Variants in OSBPL5 observed in about 807,000 individuals in gnomAD.
OSBPL5 encodes the protein oxysterol-binding protein-related protein 5.
Under a neutral mutation model 111.2 loss-of-function variants are expected in OSBPL5, and 71 were observed. The observed-to-expected ratio is 0.64, with a 90% CI of 0.53 to 0.78. The LOEUF (loss-of-function observed/expected upper bound fraction) is 0.78. Ranked by LOEUF, OSBPL5 falls within the 30% of genes least tolerant of loss-of-function variation. The pLI is 0.00. For missense variants in OSBPL5, 1,210 were observed against 1,189.3 expected (o/e 1.02, Z -0.26); for synonymous variants, 549 against 513.9 (o/e 1.07, Z -0.93).
chr11:3,087,502 C>T lies in OSBPL5; in HGVS notation c.*703G>A, dbSNP rs529842161. 1 of 153,664 alleles carries T rather than the reference C, an allele frequency of 6.5e-6. No individual in the cohort carries two copies. The highest frequency in any genetic ancestry group is 1.5e-5 in the Non-Finnish European group (1 of 68,336). 9.5% of individuals were successfully genotyped at this position (153,664 alleles called of 1,614,324 possible). A position where few individuals can be genotyped will look rare whatever the true frequency, so the allele number is the denominator to read the frequency against. ...GGTGCGGGGCCAGCTAAGCCACACC[C>T]CTGCGCCCCCCACACCCCTGCACAC... On this transcript the variant is annotated 3_prime_UTR_variant, in exon 22 of 22. Transcript: ENST00000263650.
intron 7 of OSBPL5, among the ~76,000 whole-genome samples, chr11:3,108,226 C>G (rs1376713252): frequency 6.6e-6 from 1 of 152,192 alleles, no homozygotes; most frequent in Non-Finnish European, 1.5e-5. Flanking sequence ...GGGGAGGCAG[C>G]CCTGCAGAGG....
intron 14 of OSBPL5, among the ~76,000 whole-genome samples, chr11:3,096,357 G>A (rs933882152): frequency 1.3e-5 from 2 of 152,166 alleles, no homozygotes; most frequent in Non-Finnish European, 2.9e-5. Context: ...GGGGGCTCAC[G>A]CCTGTAATCC....
At chr11:3,131,727 C>T (rs1845795805) in intron 1 of OSBPL5, among the ~76,000 whole-genome samples, 1 of 149,338 alleles carries the variant, frequency 6.7e-6, no homozygotes, top group Non-Finnish European at 1.5e-5. Context: ...TCCATCCATC[C>T]ATCCATCCTC....
At position 3,092,609 on chromosome 11, in the gene OSBPL5, G is replaced by C; in HGVS notation, c.2133-51C>G. 6.6e-7 allele frequency: 1 copy of C among 1,517,916 alleles called. No individual in the cohort carries two copies. The highest frequency in any genetic ancestry group is 8.9e-7 in the Non-Finnish European group (1 of 1,124,910). 94.0% of individuals were successfully genotyped at this position (1,517,916 alleles called of 1,614,324 possible). ...AGCACAGGCAGTGGCCCTCAGGTGA[G>C]GGGGCTGTCCTGGCCCAGTCTTCAG... On this transcript the variant is annotated intron_variant, in intron 18 of 21. Transcript: ENST00000263650. The surrounding 1 kb of genome is among the most constrained non-coding windows in gnomAD (Gnocchi z 5.4).
Position 3,129,052 on chromosome 11 carries a change from G to T in OSBPL5, c.97C>A (p.Leu33Ile). The stretch of plus-strand genomic sequence containing the variant: ...TAGAGCTCATTGTCTCCGCTGAGGA[G>T]CAAGTTCCGGGTGAGCTTCCGGGGG... ...VDPRKLTRNL[L>I]LSGDNELYPL... Residue 33 changes from leucine to isoleucine, a missense_variant, in exon 2 of 22, where the codon CTC becomes ATC. Leu to Ile is a conservative substitution (Grantham distance 5). Transcript: ENST00000263650. The T allele has an allele frequency of 6.3e-7, 1 of 1,588,348 alleles. No homozygotes were observed. The highest frequency in any genetic ancestry group is 8.6e-7 in the Non-Finnish European group (1 of 1,168,134).
chr11:3,106,048 ACT>A lies in OSBPL5; in HGVS notation c.1059+1213_1059+1214del, dbSNP rs1857680776. On this transcript the variant is annotated intron_variant, in intron 9 of 21. Transcript: ENST00000263650. This position sits in a 1 kb window ranked among gnomAD's most constrained non-coding sequence, Gnocchi z 8.4. Reference sequence around the variant, plus strand: ...CTAACCCGCCGGTGGCTTCCCCAATACTCTCAGCCTGAGGCCCCCAGGGCCCT... The same window carrying A: ...CTAACCCGCCGGTGGCTTCCCCAATACTCAGCCTGAGGCCCCCAGGGCCCT... Among the ~76,000 whole-genome samples the A allele has an allele frequency of 6.7e-6, 1 of 149,794 alleles. No individual in the cohort carries two copies. The highest frequency in any genetic ancestry group is 1.5e-5 in the Non-Finnish European group (1 of 67,358).
Position 3,102,166 on chromosome 11 carries a change from A to C in OSBPL5, c.1425+17T>G. The C allele has an allele frequency of 2.5e-6, 4 of 1,578,356 alleles. No individual in the cohort carries two copies. The South Asian group carries it at 4.6e-5, about 18-fold the overall frequency. On this transcript the variant is annotated intron_variant, in intron 12 of 21. Coordinates refer to ENST00000263650, the MANE Select transcript of OSBPL5 (RefSeq NM_020896.4). ...AGAGCCCAGCACCCAGGCCGGTTGC[A>C]GCAGAGGTGCTCTTGCCTGCTCTGC...
At chr11:3,101,802 A>G (rs1857467672) in intron 12 of OSBPL5, 103 bp from the exon 13 acceptor site, 2 of 922,502 alleles carry the variant, frequency 2.2e-6, no homozygotes, top group Non-Finnish European at 3.3e-6. Flanking sequence ...CCCTGACGCC[A>G]CATCTTCTCC....
chr11:3,090,012 GT>G (rs1326566740), intron 20 of OSBPL5, 64 bp from the exon 21 acceptor site: 1 of 1,323,618 alleles, frequency 7.6e-7, no homozygotes, highest in Non-Finnish European at 1.0e-6. Context: ...TGGAGGTCCA[GT>G]GGGGCTGGCA....
intron 7 of OSBPL5, among the ~76,000 whole-genome samples, chr11:3,112,170 TTTTG>T (rs1223400630): frequency 1.3e-5 from 2 of 152,018 alleles, no homozygotes; most frequent in African/African-American, 4.8e-5. Flanking sequence ...ATGTTTCTGT[TTTTG>T]TTTTTCTCCT....
chr11:3,100,353 C>G (rs1230865151), intron 13 of OSBPL5, 97 bp from the exon 14 acceptor site: 6 of 996,108 alleles, frequency 6.0e-6, no homozygotes, highest in East Asian at 2.6e-5. Flanking sequence ...CTTCCAACAG[C>G]TGAACACGCT....
In OSBPL5 at chr11:3,106,454, G is replaced by T. The variant is rs1012981215; in HGVS notation, c.1059+809C>A. Among the ~76,000 whole-genome samples the T allele has an allele frequency of 6.9e-6, 1 of 144,558 alleles. No individual in the cohort carries two copies. The highest frequency in any genetic ancestry group is 1.5e-5 in the Non-Finnish European group (1 of 66,086). 94.8% of individuals were successfully genotyped at this position (144,558 alleles called of 152,430 possible). A position where few individuals can be genotyped will look rare whatever the true frequency, so the allele number is the denominator to read the frequency against. On this transcript the variant is annotated intron_variant, in intron 9 of 21. Transcript: ENST00000263650. This position sits in a 1 kb window ranked among gnomAD's most constrained non-coding sequence, Gnocchi z 8.4. ...AGCCCGGCTTCCTCAGCCTGCACCCGTCACCCAGCGGAAGCTTAGATCCTG... is the reference window on the plus strand; with the variant it reads ...AGCCCGGCTTCCTCAGCCTGCACCCTTCACCCAGCGGAAGCTTAGATCCTG...
rs373785714 is a variant in OSBPL5, at chr11:3,104,237, C to T, written c.1200G>A (p.Leu400=). The T allele has an allele frequency of 1.7e-5, 28 of 1,613,028 alleles. No individual in the cohort carries two copies. The South Asian group carries it at 2.3e-4, about 13-fold the overall frequency. ...PTFVLEPRSF[L]NKLSDYYYHA... Reference sequence around the variant, plus strand: ...GGTAGTAGTAGTCGGAGAGCTTGTTCAGGAAGGAGCGCGGCTCCAGTACGA... The same window carrying T: ...GGTAGTAGTAGTCGGAGAGCTTGTTTAGGAAGGAGCGCGGCTCCAGTACGA... The change falls in exon 10 of 22, where the codon CTG becomes CTA. Residue 400 remains leucine (L), a synonymous_variant. Transcript: ENST00000263650. This position sits in a 1 kb window ranked among gnomAD's most constrained non-coding sequence, Gnocchi z 5.0.
chr11:3,133,967 G>A (rs1401994018), intron 1 of OSBPL5, among the ~76,000 whole-genome samples: 12 of 148,446 alleles, frequency 8.1e-5, no homozygotes, highest in Non-Finnish European at 1.8e-4. Flanking sequence ...GGCTGGGGAA[G>A]AAGGCGGGGC....
chr11:3,112,920 G>T (rs1858056475), intron 7 of OSBPL5, among the ~76,000 whole-genome samples: 1 of 152,118 alleles, frequency 6.6e-6, no homozygotes, highest in Admixed American at 6.5e-5. Flanking sequence ...CTAGGGTTGT[G>T]AAACAGGTTA....
At chr11:3,136,355 C>T (rs560803781) in intron 1 of OSBPL5, among the ~76,000 whole-genome samples, 22 of 152,378 alleles carry the variant, frequency 1.4e-4, no homozygotes, top group Non-Finnish European at 2.2e-4. Context: ...AGGTCACTGG[C>T]GCCTCCTCAG....
chr11:3,143,606 A>C (rs1397108916), intron 1 of OSBPL5, among the ~76,000 whole-genome samples: 1 of 152,260 alleles, frequency 6.6e-6, no homozygotes, highest in East Asian at 1.9e-4. Context: ...CAGATACCAA[A>C]GGCCACATCT....
chr11:3,149,869 G>T (rs949828500), intron 1 of OSBPL5, among the ~76,000 whole-genome samples: 2 of 152,236 alleles, frequency 1.3e-5, no homozygotes, highest in African/African-American at 4.8e-5. Flanking sequence ...ACATGCACGA[G>T]TGTGATGGTG....
chr11:3,135,612 C>A (rs1178587253), intron 1 of OSBPL5, among the ~76,000 whole-genome samples: 2 of 152,184 alleles, frequency 1.3e-5, no homozygotes, highest in Non-Finnish European at 2.9e-5. Context: ...AATGCCCAGG[C>A]CAGATGGACA....
Sources: allele counts gnomAD v4.1 joint callset (sites outside exome capture counted in the v4.1 genomes callset), GRCh38; gene constraint gnomAD v4.1.1; non-coding constraint Gnocchi (gnomAD v3.1); transcripts MANE v1.5; gene names NCBI Gene and HGNC (gene_info 2026-07-23, HGNC 2026-07-21).